The following NFIX variants were observed in gnomAD, a reference collection of about 807,000 sequenced individuals.
The protein encoded by NFIX is nuclear factor I X.
Under a neutral mutation model 53.3 loss-of-function variants are expected in NFIX, and 2 were observed. The observed-to-expected ratio is 0.04, with a 90% confidence interval of 0.02 to 0.12. The LOEUF (loss-of-function observed/expected upper bound fraction) is 0.12, where lower values mean the gene tolerates loss of function less well. NFIX is among the 10% of genes least tolerant of loss of function. NFIX has a pLI of 1.00. For missense variants in NFIX, 310 were observed against 674.5 expected (o/e 0.46, Z 5.99); for synonymous variants, 244 against 289.0 (o/e 0.84, Z 1.58).
In NFIX at chr19:13,022,481, C is replaced by G. The variant is rs898857506; in HGVS notation, c.28-2540C>G. On this transcript the variant is annotated intron_variant, in intron 1 of 10. Coordinates refer to ENST00000592199, the MANE Select transcript of NFIX (RefSeq NM_001365902.3). This position sits in a 1 kb window ranked among gnomAD's most constrained non-coding sequence, Gnocchi z 4.5. The stretch of plus-strand genomic sequence containing the variant: ...ATCCCTGCCCTGGAAGTACTGCTGG[C>G]ATGGACACTTTCTGAGCTCTCTTTC... Among the ~76,000 whole-genome samples, 6 of 152,068 alleles carry G rather than the reference C, an allele frequency of 3.9e-5. No individual in the cohort carries two copies. Among genetic ancestry groups the G allele is most frequent in the African/African-American group, 1.5e-4 (6 of 41,376 alleles).
rs2014540267 is a variant in NFIX at position 13,040,479 on chromosome 19, A to G, written c.559+14927A>G. On this transcript the variant is annotated intron_variant, in intron 2 of 10. Coordinates refer to ENST00000592199, the MANE Select transcript of NFIX (RefSeq NM_001365902.3). This position sits in a 1 kb window ranked among gnomAD's most constrained non-coding sequence, Gnocchi z 4.2. ...CCTGCGGCAGGGATTGGCAGGGATC[A>G]GTCCTGGGCCCACTGGGATTGCTTG... Among the ~76,000 whole-genome samples the G allele has an allele frequency of 6.6e-6, 1 of 152,224 alleles. No homozygotes were observed. Among genetic ancestry groups the G allele is most frequent in the African/African-American group, 2.4e-5 (1 of 41,462 alleles).
chr19:13,094,870 T>C lies in NFIX; in HGVS notation c.*221T>C. The C allele has an allele frequency of 1.8e-6, 1 of 559,380 alleles. No homozygotes were observed. Among genetic ancestry groups the C allele is most frequent in the Admixed American group, 3.1e-5 (1 of 32,626 alleles). The allele number at this position is 559,380 out of a possible 1,614,324, so 34.7% of individuals were successfully genotyped here. A position where few individuals can be genotyped will look rare whatever the true frequency, so the allele number is the denominator to read the frequency against. Reference sequence around the variant, plus strand: ...AGAGAGCCCTTGGAAGGGGTCTCGGTGGAGCTGTGCACCAGCAGCCAAGCA... The same window carrying C: ...AGAGAGCCCTTGGAAGGGGTCTCGGCGGAGCTGTGCACCAGCAGCCAAGCA... On this transcript the variant is annotated 3_prime_UTR_variant, in exon 11 of 11. Coordinates refer to ENST00000592199, the MANE Select transcript of NFIX (RefSeq NM_001365902.3). The surrounding 1 kb of genome is among the most constrained non-coding windows in gnomAD (Gnocchi z 4.3).
intron 2 of NFIX, among the ~76,000 whole-genome samples, chr19:13,038,199 G>C (rs2014344484): frequency 1.3e-5 from 2 of 152,170 alleles, no homozygotes; most frequent in Non-Finnish European, 2.9e-5. Context: ...AGCAAGCCCT[G>C]CCAGGCAGTA....
intron 2 of NFIX, among the ~76,000 whole-genome samples, chr19:13,065,527 G>A (rs557313783): frequency 5.5e-4 from 83 of 152,288 alleles, no homozygotes; most frequent in Non-Finnish European, 9.7e-4. Flanking sequence ...AGGCCCACTC[G>A]CATGTCCCAT....
chr19:13,082,977 G>A (rs987499680), intron 8 of NFIX, among the ~76,000 whole-genome samples: 4 of 152,148 alleles, frequency 2.6e-5, no homozygotes, highest in Admixed American at 1.3e-4. Flanking sequence ...CGGCGGGGCC[G>A]TGGCTCCGCC....
chr19:13,077,628 C>T (rs2017189010), intron 6 of NFIX, among the ~76,000 whole-genome samples: 1 of 152,150 alleles, frequency 6.6e-6, no homozygotes, highest in African/African-American at 2.4e-5. Context: ...CTCTGTTCTG[C>T]AGCCCCTCCA....
rs1022871172 is a variant in NFIX at position 13,040,492 on chromosome 19, C to T, written c.559+14940C>T. Among the ~76,000 whole-genome samples, 5 of 152,238 alleles carry T rather than the reference C, an allele frequency of 3.3e-5. No homozygotes were observed. Among genetic ancestry groups the T allele is most frequent in the African/African-American group, 1.2e-4 (5 of 41,480 alleles). ...TTGGCAGGGATCAGTCCTGGGCCCA[C>T]TGGGATTGCTTGCCTTTTGCTCTGA... On this transcript the variant is annotated intron_variant, in intron 2 of 10. Transcript: ENST00000592199. This position sits in a 1 kb window ranked among gnomAD's most constrained non-coding sequence, Gnocchi z 4.2.
In NFIX at chr19:13,006,401, T is replaced by A. The variant is rs2012016462; in HGVS notation, c.27+10537T>A. Among the ~76,000 whole-genome samples the A allele has an allele frequency of 6.6e-6, 1 of 152,244 alleles. No homozygotes were observed. Among genetic ancestry groups the A allele is most frequent in the African/African-American group, 2.4e-5 (1 of 41,458 alleles). On this transcript the variant is annotated intron_variant, in intron 1 of 10. Coordinates refer to ENST00000592199, the MANE Select transcript of NFIX (RefSeq NM_001365902.3). The surrounding 1 kb of genome is among the most constrained non-coding windows in gnomAD (Gnocchi z 5.6). ...GTCATTTCTTCAATCTGAGCTCATCTATTATCCATATTTGTGGATATGCCA... is the reference window on the plus strand; with the variant it reads ...GTCATTTCTTCAATCTGAGCTCATCAATTATCCATATTTGTGGATATGCCA...
chr19:13,090,764 G>C lies in NFIX; in HGVS notation c.1494+374G>C, dbSNP rs1197322247. Among the ~76,000 whole-genome samples the C allele has an allele frequency of 1.3e-5, 2 of 152,154 alleles. No homozygotes were observed. Among genetic ancestry groups the C allele is most frequent in the Non-Finnish European group, 2.9e-5 (2 of 68,010 alleles). ...TTCACCTGCCCCGACTGGAAGCCCC[G>C]GCCCCTAGCCCTCCCCTTTCCCCTG... is the stretch of plus-strand genomic sequence containing the variant. On this transcript the variant is annotated intron_variant, in intron 10 of 10. Coordinates refer to ENST00000592199, the MANE Select transcript of NFIX (RefSeq NM_001365902.3). The surrounding 1 kb of genome is among the most constrained non-coding windows in gnomAD (Gnocchi z 6.6).
chr19:13,056,456 G>C (rs2015699412), intron 2 of NFIX, among the ~76,000 whole-genome samples: 2 of 152,182 alleles, frequency 1.3e-5, no homozygotes, highest in South Asian at 2.1e-4. Flanking sequence ...GGCCCACATA[G>C]GGTGGGCCCA....
intron 2 of NFIX, among the ~76,000 whole-genome samples, chr19:13,055,933 AC>A (rs1325690244): frequency 2.6e-5 from 4 of 151,804 alleles, no homozygotes; most frequent in Non-Finnish European, 4.4e-5. Flanking sequence ...CACGGAGGTG[AC>A]CCCCCAGTCG....
At chr19:13,055,226 C>A (rs181982156) in intron 2 of NFIX, among the ~76,000 whole-genome samples, 12 of 151,486 alleles carry the variant, frequency 7.9e-5, no homozygotes, top group East Asian at 2.0e-4. Flanking sequence ...ACCCTCCCCC[C>A]CTCCCCACTC....
In NFIX at chr19:12,995,881, C is replaced by A; in HGVS notation, c.27+17C>A. On this transcript the variant is annotated intron_variant, in intron 1 of 10. Coordinates refer to ENST00000592199, the MANE Select transcript of NFIX (RefSeq NM_001365902.3). ...CTCACCCAGGTACCGGCCGCCGCCC[C>A]CGCGCGACCGGGGGAGGGGAGCGGG... 1 of 978,970 alleles carries A rather than the reference C, an allele frequency of 1.0e-6. No homozygotes were observed. Among genetic ancestry groups the A allele is most frequent in the Non-Finnish European group, 1.2e-6 (1 of 826,858 alleles). 60.6% of individuals were successfully genotyped at this position (978,970 alleles called of 1,614,324 possible).
At chr19:13,003,177 C>T (rs934300516) in intron 1 of NFIX, among the ~76,000 whole-genome samples, 5 of 152,100 alleles carry the variant, frequency 3.3e-5, no homozygotes, top group Admixed American at 1.3e-4. Context: ...CAAAGAATCA[C>T]GCTGACACAC....
Position 13,005,406 on chromosome 19 carries a change from G to A in NFIX, c.27+9542G>A, listed in dbSNP as rs1262876514. ...TAGGAGAGTGGGGCCTGCAGAGCCA[G>A]CTTCCTGGGTTTGACTCCTGGCTCT... On this transcript the variant is annotated intron_variant, in intron 1 of 10. Transcript: ENST00000592199. This position sits in a 1 kb window ranked among gnomAD's most constrained non-coding sequence, Gnocchi z 4.7. 1.3e-5 allele frequency among the ~76,000 whole-genome samples: 2 copies of A among 152,198 alleles called. No homozygotes were observed. Among genetic ancestry groups the A allele is most frequent in the South Asian group, 2.1e-4 (1 of 4,836 alleles).
intron 2 of NFIX, among the ~76,000 whole-genome samples, chr19:13,034,435 T>G (rs1165795769): frequency 1.3e-5 from 2 of 152,186 alleles, no homozygotes; most frequent in Non-Finnish European, 2.9e-5. Flanking sequence ...GGCTGGATGC[T>G]CTCACCCTGC....
intron 2 of NFIX, among the ~76,000 whole-genome samples, chr19:13,054,201 C>A (rs902927407): frequency 5.9e-5 from 9 of 152,210 alleles, no homozygotes; most frequent in Admixed American, 5.9e-4. Flanking sequence ...GGCCACTGGG[C>A]CTTCGGTGGG....
chr19:13,006,651 C>G lies in NFIX; in HGVS notation c.27+10787C>G, dbSNP rs2012030405. On this transcript the variant is annotated intron_variant, in intron 1 of 10. Transcript: ENST00000592199. This position sits in a 1 kb window ranked among gnomAD's most constrained non-coding sequence, Gnocchi z 5.6. ...CCCCAGCCTGTCACCCTGGCAGTAC[C>G]AGGCTGCGCCATCTTTGCAGGGTCT... Among the ~76,000 whole-genome samples the G allele has an allele frequency of 6.6e-6, 1 of 152,198 alleles. No homozygotes were observed. The highest frequency in any genetic ancestry group is 1.5e-5 in the Non-Finnish European group (1 of 68,024).
At chr19:13,061,080 AG>A (rs1410395521) in intron 2 of NFIX, among the ~76,000 whole-genome samples, 1 of 137,656 alleles carries the variant, frequency 7.3e-6, no homozygotes, top group African/African-American at 2.9e-5. Flanking sequence ...ACGTGGCCTT[AG>A]ACCCCCCCCT....
Sources: allele counts gnomAD v4.1 joint callset (sites outside exome capture counted in the v4.1 genomes callset), GRCh38; gene constraint gnomAD v4.1.1; non-coding constraint Gnocchi (gnomAD v3.1); transcripts MANE v1.5; gene names NCBI Gene and HGNC (gene_info 2026-07-23, HGNC 2026-07-21).